Variants in CCDC7 observed in about 807,000 individuals in gnomAD.
The protein encoded by CCDC7 is coiled-coil domain containing 7.
CCDC7 carries 183 observed loss-of-function variants against 196.9 expected under a neutral mutation model. The observed-to-expected ratio is 0.93, with a 90% CI of 0.82 to 1.05. CCDC7 has a LOEUF of 1.05. Among genes scored for constraint, CCDC7 ranks in the 50% least tolerant of loss-of-function variants. The pLI, the probability that CCDC7 is intolerant of heterozygous loss-of-function variation, is 0.00. For missense variants in CCDC7, 1,540 were observed against 1,482.2 expected (o/e 1.04, Z -0.64); for synonymous variants, 525 against 484.6 (o/e 1.08, Z -1.10).
chr10:32,491,269 T>C (rs890278399), intron 8 of CCDC7, among the ~76,000 whole-genome samples: 1 of 152,222 alleles, frequency 6.6e-6, no homozygotes, highest in Non-Finnish European at 1.5e-5. Context: ...CTTTGTGTCA[T>C]GTCTTGTTTA....
At chr10:32,482,066 A>G (rs1319703846) in intron 8 of CCDC7, among the ~76,000 whole-genome samples, 3 of 151,552 alleles carry the variant, frequency 2.0e-5, no homozygotes. Flanking sequence ...ATTTTGAGCC[A>G]TTATTTCTTC....
At chr10:32,876,945 C>A (rs1467261804), downstream of CCDC7, 1 of 152,072 alleles carries the variant, frequency 6.6e-6, no homozygotes, top group African/African-American at 2.4e-5. Context: ...TAAACCCAAT[C>A]TGGGTTATCA....
intron 41 of CCDC7, among the ~76,000 whole-genome samples, chr10:32,867,426 A>G (rs1035869256): frequency 1.3e-5 from 2 of 151,488 alleles, no homozygotes; most frequent in Non-Finnish European, 1.5e-5. Context: ...ACATCTACAT[A>G]TGAACATAGA....
intron 32 of CCDC7, among the ~76,000 whole-genome samples, chr10:32,828,469 AAGAGGAAGAGGAAGAG>A (rs1565633646): frequency 1.0e-4 from 8 of 78,724 alleles, no homozygotes; most frequent in Admixed American, 2.8e-4. Context: ...GAAGAAGAGG[AAGAGGAAGAGGAAGAG>A]GAAGAAGAAG....
At chr10:32,472,345 T>G in intron 6 of CCDC7, 136 bp from the exon 8 acceptor site, 1 of 753,030 alleles carries the variant, frequency 1.3e-6, no homozygotes, top group Non-Finnish European at 1.9e-6. Flanking sequence ...TGTCTGTGAG[T>G]AAAGATTAAA....
chr10:32,849,114 G>GTT (rs76259220), intron 39 of CCDC7, among the ~76,000 whole-genome samples: 35 of 128,044 alleles, frequency 2.7e-4, no homozygotes, highest in African/African-American at 9.6e-4. Context: ...GCTGGGTTTT[G>GTT]TTTTTTTTTT....
intron 8 of CCDC7, among the ~76,000 whole-genome samples, chr10:32,485,014 A>T (rs2040738916): frequency 6.6e-6 from 1 of 152,206 alleles, no homozygotes; most frequent in Non-Finnish European, 1.5e-5. Flanking sequence ...TGGCCTCATA[A>T]AATGAGTTAG....
At chr10:32,453,874 A>T (rs574670153) in intron 2 of CCDC7, among the ~76,000 whole-genome samples, 2 of 152,322 alleles carry the variant, frequency 1.3e-5, no homozygotes, top group South Asian at 4.1e-4. Flanking sequence ...GAACACATAC[A>T]TCCTCACAAA....
intron 29 of CCDC7, among the ~76,000 whole-genome samples, chr10:32,800,251 G>A (rs1201423716): frequency 2.0e-5 from 3 of 152,128 alleles, no homozygotes; most frequent in African/African-American, 4.8e-5. Flanking sequence ...GTAAGGATGC[G>A]ATATTATTTT....
At chr10:32,619,910 C>CTTTTTTTTTTTTTTTTTTTTTTT (rs56089046) in intron 18 of CCDC7, among the ~76,000 whole-genome samples, 3 of 79,276 alleles carry the variant, frequency 3.8e-5, no homozygotes, top group African/African-American at 2.0e-4. Context: ...TTCAATGTAC[C>CTTTTTTTTTTTTTTTTTTTTTTT]TTTTTTTTTT....
At chr10:32,581,606 T>G (rs1426525644) in intron 16 of CCDC7, among the ~76,000 whole-genome samples, 7 of 152,190 alleles carry the variant, frequency 4.6e-5, no homozygotes, top group Non-Finnish European at 2.9e-5. Flanking sequence ...AGTATCATGG[T>G]TGTTATGCTG....
At chr10:32,515,287 A>G (rs554391769) in intron 9 of CCDC7, among the ~76,000 whole-genome samples, 3 of 152,348 alleles carry the variant, frequency 2.0e-5, no homozygotes, top group Non-Finnish European at 2.9e-5. Flanking sequence ...TTAAGAACAA[A>G]GTTAGAAGAC....
chr10:32,602,567 A>T (rs2061166895), intron 18 of CCDC7, among the ~76,000 whole-genome samples: 1 of 151,974 alleles, frequency 6.6e-6, no homozygotes, highest in Non-Finnish European at 1.5e-5. Flanking sequence ...TTTGATATTA[A>T]TTTTTCCACC....
At chr10:32,649,515 A>G (rs1184980592) in intron 20 of CCDC7, among the ~76,000 whole-genome samples, 6 of 152,112 alleles carry the variant, frequency 3.9e-5, no homozygotes, top group African/African-American at 1.4e-4. Flanking sequence ...ATTATCTTAT[A>G]TCGTATCTGG....
chr10:32,759,309 A>G (rs2077023613), intron 28 of CCDC7, among the ~76,000 whole-genome samples: 1 of 152,158 alleles, frequency 6.6e-6, no homozygotes, highest in South Asian at 2.1e-4. Context: ...CAAAAGAACA[A>G]AGCTGGAGGC....
chr10:32,851,817 T>A lies in CCDC7; in HGVS notation c.3906T>A (p.Tyr1302Ter). ...TCCAAATTTTTCTAGAGGAAACTTA[T>A]GAGTACTCTTCACCCTATGTGACTG... Residue 1302 changes from tyrosine to a stop codon, truncating the protein, a stop_gained, in exon 40 of 42, where the codon TAT becomes TAA. Transcript: ENST00000639629. LOFTEE classifies it high-confidence loss of function. 1.2e-6 allele frequency: 2 copies of A among 1,609,702 alleles called. No individual in the cohort carries two copies. The highest frequency in any genetic ancestry group is 1.7e-6 in the Non-Finnish European group (2 of 1,178,654).
Position 32,834,884 on chromosome 10 carries a change from CA to C in CCDC7, c.3341del (p.Lys1114ArgfsTer11). 7.0e-7 allele frequency: 1 copy of C among 1,435,214 alleles called. No individual in the cohort carries two copies. The highest frequency in any genetic ancestry group is 9.8e-7 in the Non-Finnish European group (1 of 1,025,618). The allele number at this position is 1,435,214 out of a possible 1,614,324, so 88.9% of individuals were successfully genotyped here. A position where few individuals can be genotyped will look rare whatever the true frequency, so the allele number is the denominator to read the frequency against. On this transcript the variant is annotated frameshift_variant, in exon 33 of 42. Transcript: ENST00000639629. LOFTEE classifies it high-confidence loss of function. ...ATAAAGCATCTAATCAACATACAGT[CA>C]AAGAGTCATGGAGGTAAGAACAAGA...
At chr10:32,713,837 T>G (rs1591949707) in intron 25 of CCDC7, among the ~76,000 whole-genome samples, 1 of 152,352 alleles carries the variant, frequency 6.6e-6, no homozygotes, top group East Asian at 1.9e-4. Flanking sequence ...AGCAGCCACG[T>G]TTTCCATGCT....
chr10:32,614,804 C>G (rs1426801839), intron 18 of CCDC7, among the ~76,000 whole-genome samples: 1 of 152,158 alleles, frequency 6.6e-6, no homozygotes, highest in Admixed American at 6.5e-5. Context: ...GGAGTTTGAT[C>G]TATCCCACCC....
Sources: gnomAD v4.1 joint callset for allele counts (sites outside exome capture counted in the v4.1 genomes callset) on GRCh38, gnomAD v4.1.1 for gene constraint, MANE v1.5 for transcripts, NCBI Gene and HGNC (gene_info 2026-07-23, HGNC 2026-07-21) for gene names.